The following TACR1 variants were observed in gnomAD, a reference collection of about 807,000 sequenced individuals.
The protein encoded by TACR1 is tachykinin receptor 1, also known as substance-P receptor.
In TACR1, 25 loss-of-function variants were observed where a neutral mutation model predicts 35.8. The ratio of observed to expected loss-of-function variants is 0.70; its 90% CI spans 0.51 to 0.98. The LOEUF is 0.98. Ranked by LOEUF, TACR1 falls within the 50% of genes least tolerant of loss-of-function variation. The pLI is 0.00. For synonymous variants in TACR1, 195 were observed against 206.7 expected, an observed-to-expected ratio of 0.94 and a Z score of 0.48; for missense variants, 478 against 522.9, an observed-to-expected ratio of 0.91 and a Z score of 0.84.
At chr2:75,059,483 T>C (rs1180553407) in intron 2 of TACR1, among the ~76,000 whole-genome samples, 1 of 152,138 alleles carries the variant, frequency 6.6e-6, no homozygotes, top group African/African-American at 2.4e-5. Context: ...AGCTTCTGAT[T>C]TAATTGGCCT....
intron 1 of TACR1, among the ~76,000 whole-genome samples, chr2:75,130,142 T>C (rs781512033): frequency 6.6e-6 from 1 of 152,242 alleles, no homozygotes; most frequent in South Asian, 2.1e-4. Flanking sequence ...TTGTCTTGAT[T>C]ACTGAATTTT....
intron 2 of TACR1, among the ~76,000 whole-genome samples, chr2:75,060,465 G>C (rs1189834147): frequency 6.6e-6 from 1 of 152,112 alleles, no homozygotes; most frequent in African/African-American, 2.4e-5. Context: ...CTATAGGGAG[G>C]GGAGGGAGCA....
intron 2 of TACR1, among the ~76,000 whole-genome samples, chr2:75,106,941 A>G (rs967868247): frequency 6.6e-6 from 1 of 151,794 alleles, no homozygotes; most frequent in Admixed American, 6.6e-5. Flanking sequence ...GAAATGTTCA[A>G]CTAGCCTATT....
In TACR1 at chr2:75,048,617, A is replaced by G. The variant is rs1176200830; in HGVS notation, c.*815T>C. 1.3e-5 allele frequency: 2 copies of G among 152,154 alleles called. No homozygotes were observed. The highest frequency in any genetic ancestry group is 1.5e-5 in the Non-Finnish European group (1 of 68,024). The allele number at this position is 152,154 out of a possible 1,614,324, so 9.4% of individuals were successfully genotyped here. The stretch of plus-strand genomic sequence containing the variant: ...GTAAAACAAACAAAAAACTCATACA[A>G]TCCTTGAACCACGGGATGTTAAGAT... On this transcript the variant is annotated 3_prime_UTR_variant, in exon 5 of 5. Transcript: ENST00000305249.
chr2:75,065,219 C>T (rs567644325), intron 2 of TACR1, among the ~76,000 whole-genome samples: 2 of 152,296 alleles, frequency 1.3e-5, no homozygotes, highest in South Asian at 2.1e-4. Context: ...TTTATGAGGT[C>T]GAATTCATTA....
At chr2:75,171,052 G>A (rs533879365) in intron 1 of TACR1, among the ~76,000 whole-genome samples, 9 of 152,286 alleles carry the variant, frequency 5.9e-5, no homozygotes, top group African/African-American at 2.2e-4. Context: ...TTAATCTCCA[G>A]GACAATGGGG....
chr2:75,184,707 A>G (rs939875166), intron 1 of TACR1, among the ~76,000 whole-genome samples: 1 of 151,378 alleles, frequency 6.6e-6, no homozygotes, highest in African/African-American at 2.4e-5. Context: ...TTAAATTTAT[A>G]TATATAATTT....
chr2:75,078,675 G>T (rs1336281221), intron 2 of TACR1, among the ~76,000 whole-genome samples: 1 of 152,132 alleles, frequency 6.6e-6, no homozygotes, highest in Non-Finnish European at 1.5e-5. Context: ...ACGAAACTGT[G>T]CCCTTGTAGG....
chr2:75,093,562 G>T (rs532277413), intron 2 of TACR1, among the ~76,000 whole-genome samples: 1 of 152,292 alleles, frequency 6.6e-6, no homozygotes, highest in African/African-American at 2.4e-5. Flanking sequence ...GTAGACAGGA[G>T]TCTGCAGCCC....
chr2:75,155,920 ATTTTT>A (rs1181679620), intron 1 of TACR1, among the ~76,000 whole-genome samples: 1 of 152,298 alleles, frequency 6.6e-6, no homozygotes, highest in East Asian at 1.9e-4. Context: ...CCTGCTGCCT[ATTTTT>A]TTATATGGCT....
chr2:75,111,925 C>G lies in TACR1; in HGVS notation c.584+8649G>C, dbSNP rs140181726. On this transcript the variant is annotated intron_variant, in intron 2 of 4. Coordinates refer to ENST00000305249, the MANE Select transcript of TACR1 (RefSeq NM_001058.4). ...TACACTTTCTGATTTCTAAACCACA[C>G]AAATATGTATAAATTTTTAAAAAAA... Among the ~76,000 whole-genome samples, 289 of 151,802 alleles carry G rather than the reference C, an allele frequency of 1.9e-3. 1 individual carries two copies. Among genetic ancestry groups the G allele is most frequent in the African/African-American group, 6.8e-3 (283 of 41,474 alleles).
chr2:75,195,879 T>A (rs1675957640), intron 1 of TACR1, among the ~76,000 whole-genome samples: 2 of 152,222 alleles, frequency 1.3e-5, no homozygotes, highest in African/African-American at 4.8e-5. Context: ...GTTATTAAAG[T>A]CTTTCATTAA....
At chr2:75,165,402 G>A (rs1181839029) in intron 1 of TACR1, among the ~76,000 whole-genome samples, 1 of 152,068 alleles carries the variant, frequency 6.6e-6, no homozygotes, top group African/African-American at 2.4e-5. Context: ...CTCGCCTCCA[G>A]GGTTCACACC....
intron 1 of TACR1, among the ~76,000 whole-genome samples, chr2:75,190,155 A>G (rs772808595): frequency 7.9e-5 from 12 of 152,244 alleles, no homozygotes; most frequent in African/African-American, 1.7e-4. Context: ...TTGAATATCA[A>G]TTAAAACTCA....
intron 2 of TACR1, among the ~76,000 whole-genome samples, chr2:75,075,326 T>C (rs1422193074): frequency 2.0e-5 from 3 of 152,246 alleles, no homozygotes; most frequent in African/African-American, 7.2e-5. Context: ...GGTGGGTGTG[T>C]AAATTCGTGC....
In TACR1 at chr2:75,124,935, C is replaced by T. The variant is rs114961000; in HGVS notation, c.390-4167G>A. Among the ~76,000 whole-genome samples the T allele has an allele frequency of 2.1e-3, 321 of 152,294 alleles. 1 individual carries two copies. Among genetic ancestry groups the T allele is most frequent in the African/African-American group, 7.5e-3 (312 of 41,564 alleles). On this transcript the variant is annotated intron_variant, in intron 1 of 4. Transcript: ENST00000305249. ...TCCCACAAGCAGTGAGTAAGGTGGTCTACGGCCAGTCATGACCAAGAATCA... is the reference window on the plus strand; with the variant it reads ...TCCCACAAGCAGTGAGTAAGGTGGTTTACGGCCAGTCATGACCAAGAATCA...
chr2:75,074,549 A>C (rs2103821463), intron 2 of TACR1, among the ~76,000 whole-genome samples: 1 of 152,300 alleles, frequency 6.6e-6, no homozygotes, highest in East Asian at 1.9e-4. Context: ...AGACTGGGGA[A>C]ATAGAAACTT....
At chr2:75,128,677 A>G (rs946046257) in intron 1 of TACR1, among the ~76,000 whole-genome samples, 1 of 152,212 alleles carries the variant, frequency 6.6e-6, no homozygotes, top group African/African-American at 2.4e-5. Context: ...TGAAAAGAGC[A>G]ATGGTAGCAA....
intron 1 of TACR1, 24 bp from the exon 2 acceptor site, chr2:75,120,792 AG>A: frequency 6.4e-7 from 1 of 1,552,402 alleles, no homozygotes; most frequent in Non-Finnish European, 8.7e-7. Flanking sequence ...GAAAGAACAA[AG>A]TTCTGATCTG....
Sources: gnomAD v4.1 joint callset for allele counts (sites outside exome capture counted in the v4.1 genomes callset) on GRCh38, gnomAD v4.1.1 for gene constraint, MANE v1.5 for transcripts, NCBI Gene and HGNC (gene_info 2026-07-23, HGNC 2026-07-21) for gene names.